FRMD7: variants seen among roughly 807,000 people sequenced by gnomAD.
FRMD7 encodes FERM domain containing 7, also known as FERM domain-containing protein 7.
A neutral mutation model predicts 44.1 loss-of-function variants in FRMD7; 14 were observed. The observed-to-expected ratio is 0.32, with a 90% CI of 0.21 to 0.50. The LOEUF (loss-of-function observed/expected upper bound fraction) is 0.50, where lower values mean the gene tolerates loss of function less well. Ranked by LOEUF, FRMD7 falls within the 20% of genes least tolerant of loss-of-function variation. The pLI is 0.99. For missense variants in FRMD7, 501 were observed against 522.3 expected (o/e 0.96, Z 0.40); for synonymous variants, 212 against 187.4 (o/e 1.13, Z -1.07).
At position 132,077,928 on chromosome X, in the gene FRMD7, T is replaced by A. The variant is rs1442867201; in HGVS notation, c.2089A>T (p.Thr697Ser). The A allele has an allele frequency of 1.7e-6, 2 of 1,211,355 alleles. No homozygotes were observed. The highest frequency in any genetic ancestry group is 5.9e-5 in the East Asian group (2 of 33,830). Reference protein sequence around the residue: ...DEEDEDAYFNTPTAEDRTSLK... With the variant: ...DEEDEDAYFNSPTAEDRTSLK... Reference sequence around the variant, plus strand: ...GAAGTCCTGTCTTCAGCAGTTGGTGTGTTGAAATAAGCATCTTCATCTTCT... The same window carrying A: ...GAAGTCCTGTCTTCAGCAGTTGGTGAGTTGAAATAAGCATCTTCATCTTCT... Residue 697 changes from threonine (T) to serine (S), a missense_variant, in exon 12 of 12, where the codon ACA (threonine) becomes TCA (serine). Thr to Ser is a moderately conservative substitution (Grantham distance 58). Transcript: ENST00000298542.
intron 1 of FRMD7, among the ~76,000 whole-genome samples, chrX:132,114,328 G>T (rs917144782): frequency 5.4e-5 from 6 of 111,620 alleles, no homozygotes; most frequent in Non-Finnish European, 1.1e-4. Flanking sequence ...TGCATTGACT[G>T]AACAGAAAAC....
chrX:132,089,154 T>A (rs981005646), intron 5 of FRMD7, among the ~76,000 whole-genome samples: 1 of 112,204 alleles, frequency 8.9e-6, no homozygotes, highest in African/African-American at 3.2e-5. Context: ...GAAATATAGA[T>A]CAATGGAACA....
At chrX:132,120,546 C>T (rs759596041) in intron 1 of FRMD7, among the ~76,000 whole-genome samples, 9 of 113,177 alleles carry the variant, frequency 8.0e-5, no homozygotes, top group Non-Finnish European at 1.5e-4. Context: ...ATCTCTTCCG[C>T]CATGGCCTCA....
At chrX:132,108,203 G>A (rs1928692675) in intron 1 of FRMD7, among the ~76,000 whole-genome samples, 2 of 112,015 alleles carry the variant, frequency 1.8e-5, no homozygotes, top group Non-Finnish European at 3.8e-5. Flanking sequence ...ATCCAGAATA[G>A]GCAAATCCCT....
chrX:132,077,854 G>A lies in FRMD7; in HGVS notation c.*18C>T, dbSNP rs771052393. ...GGTAACATGGAACTGGCTCAGAAAT[G>A]TCCATAGGTTCACACTTTTAAGCTA... On this transcript the variant is annotated 3_prime_UTR_variant, in exon 12 of 12. Transcript: ENST00000298542. 10 of 1,210,558 alleles carry A rather than the reference G, an allele frequency of 8.3e-6. No homozygotes were observed. In the South Asian group the frequency reaches 1.6e-4, roughly 19 times the overall value.
At chrX:132,118,247 C>G (rs1306515033) in intron 1 of FRMD7, among the ~76,000 whole-genome samples, 1 of 110,813 alleles carries the variant, frequency 9.0e-6, no homozygotes, top group Non-Finnish European at 1.9e-5. Flanking sequence ...CATATTTAAC[C>G]TTGCTGAACC....
At chrX:132,103,487 TCTA>T (rs1928561909) in intron 1 of FRMD7, among the ~76,000 whole-genome samples, 1 of 8,325 alleles carries the variant, frequency 1.2e-4, no homozygotes, top group Non-Finnish European at 3.3e-4. Flanking sequence ...CCTTTAAATG[TCTA>T]TCTATCTATC....
Position 132,077,044 on chromosome X carries a change from A to G in FRMD7, c.*828T>C, listed in dbSNP as rs1927622841. ...ATTTTCCATCACACTTTATTACAATAACATTCATTTCCTGGCCTGCATACA... is the reference window on the plus strand; with the variant it reads ...ATTTTCCATCACACTTTATTACAATGACATTCATTTCCTGGCCTGCATACA... On this transcript the variant is annotated 3_prime_UTR_variant, in exon 12 of 12. Coordinates refer to ENST00000298542, the MANE Select transcript of FRMD7 (RefSeq NM_194277.3). 1 of 112,270 alleles carries G rather than the reference A, an allele frequency of 8.9e-6. No homozygotes were observed. Among genetic ancestry groups the G allele is most frequent in the African/African-American group, 3.2e-5 (1 of 30,904 alleles). The allele number at this position is 112,270 out of a possible 1,213,427, so 9.3% of individuals were successfully genotyped here.
intron 1 of FRMD7, among the ~76,000 whole-genome samples, chrX:132,101,451 C>A (rs926660057): frequency 3.6e-5 from 4 of 112,317 alleles, no homozygotes; most frequent in African/African-American, 1.3e-4. Context: ...CCTATGCCTC[C>A]AAACACCCTC....
At chrX:132,087,919 TATG>T (rs1181093254) in intron 5 of FRMD7, among the ~76,000 whole-genome samples, 3 of 110,535 alleles carry the variant, frequency 2.7e-5, no homozygotes, top group African/African-American at 1.0e-4. Flanking sequence ...TATAATACAC[TATG>T]ATAATAGAAT....
At chrX:132,106,723 A>C (rs906368298) in intron 1 of FRMD7, among the ~76,000 whole-genome samples, 1 of 112,340 alleles carries the variant, frequency 8.9e-6, no homozygotes, top group African/African-American at 3.2e-5. Flanking sequence ...CTTCTGGAGG[A>C]ACATGGATGG....
At chrX:132,088,308 G>C in intron 5 of FRMD7, among the ~76,000 whole-genome samples, 1 of 112,346 alleles carries the variant, frequency 8.9e-6, no homozygotes, top group Non-Finnish European at 1.9e-5. Context: ...CTAGCACTCA[G>C]GGAGGCCAAG....
intron 1 of FRMD7, among the ~76,000 whole-genome samples, chrX:132,116,369 T>C (rs1472612845): frequency 8.9e-6 from 1 of 111,789 alleles, no homozygotes; most frequent in Non-Finnish European, 1.9e-5. Context: ...GATTCTCAGA[T>C]GCCACGTATT....
rs756025906 is a variant in FRMD7, at chrX:132,107,536, T to C, written c.58-6820A>G. On this transcript the variant is annotated intron_variant, in intron 1 of 11. Transcript: ENST00000298542. ...ACCTGGGATGAGGGTGCCAGTATGG[T>C]TGGACTGTGGTAAAGGCTCTCTTCT... Among the ~76,000 whole-genome samples, 4 of 109,134 alleles carry C rather than the reference T, an allele frequency of 3.7e-5. No homozygotes were observed. In the South Asian group the frequency reaches 1.6e-3, roughly 44 times the overall value. 94.8% of individuals were successfully genotyped at this position (109,134 alleles called of 115,157 possible).
chrX:132,096,990 C>T (rs2124246629), intron 4 of FRMD7, among the ~76,000 whole-genome samples: 1 of 110,983 alleles, frequency 9.0e-6, no homozygotes, highest in East Asian at 2.8e-4. Context: ...AAGGAGAGCA[C>T]ATTCATTGTT....
chrX:132,115,763 T>C (rs1216697239), intron 1 of FRMD7, among the ~76,000 whole-genome samples: 1 of 111,786 alleles, frequency 8.9e-6, no homozygotes, highest in Non-Finnish European at 1.9e-5. Context: ...CAATGTCGAA[T>C]TTGACATTTG....
chrX:132,104,263 A>G (rs60255936), intron 1 of FRMD7, among the ~76,000 whole-genome samples: 8,126 of 111,892 alleles, frequency 0.073, 260 homozygotes, highest in African/African-American at 0.12. Context: ...AGAGGAGATA[A>G]AATAAGGGGG....
At chrX:132,091,102 C>G (rs1180217164) in intron 5 of FRMD7, among the ~76,000 whole-genome samples, 1 of 111,352 alleles carries the variant, frequency 9.0e-6, no homozygotes, top group East Asian at 2.8e-4. Context: ...TATTTCACTC[C>G]TCTGCTTAAA....
chrX:132,123,657 G>A (rs1212881899), intron 1 of FRMD7, among the ~76,000 whole-genome samples: 3 of 112,106 alleles, frequency 2.7e-5, no homozygotes, highest in African/African-American at 6.5e-5. Flanking sequence ...AACAGTGTTC[G>A]GTCCTGGCAC....
Sources: gnomAD v4.1 joint callset for allele counts (sites outside exome capture counted in the v4.1 genomes callset) on GRCh38, gnomAD v4.1.1 for gene constraint, MANE v1.5 for transcripts, NCBI Gene and HGNC (gene_info 2026-07-23, HGNC 2026-07-21) for gene names.